The following PDZD9 variants were observed in gnomAD, a reference collection of about 807,000 sequenced individuals.
PDZD9 encodes PDZ domain-containing protein 9.
In PDZD9, 13 loss-of-function variants were observed where a neutral mutation model predicts 16.3. The ratio of observed to expected loss-of-function variants is 0.80; its 90% CI spans 0.52 to 1.27. The LOEUF (loss-of-function observed/expected upper bound fraction) is 1.27. PDZD9 is among the 50% of genes most tolerant of loss of function. The probability of loss-of-function intolerance (pLI) is 0.00; values close to 1 mark genes in which losing one functional copy is unlikely to be tolerated. For missense variants in PDZD9, 288 were observed against 310.9 expected, an observed-to-expected ratio of 0.93 and a Z score of 0.55; for synonymous variants, 120 against 111.0, an observed-to-expected ratio of 1.08 and a Z score of -0.51.
chr16:21,957,839 C>A, the PDZD9 span, among the ~76,000 whole-genome samples: 1 of 152,190 alleles, frequency 6.6e-6, no homozygotes, highest in East Asian at 1.9e-4. Flanking sequence ...CCTGCCTGTT[C>A]CTAGCTTCCA....
chr16:21,992,500 A>C (rs1567488084), intron 2 of PDZD9, among the ~76,000 whole-genome samples: 1 of 152,212 alleles, frequency 6.6e-6, no homozygotes. Flanking sequence ...CCAACCCTCA[A>C]TCTGGGTAGG....
chr16:21,962,630 C>G, the PDZD9 span: 3 of 1,588,568 alleles, frequency 1.9e-6, no homozygotes, highest in Admixed American at 5.1e-5. Flanking sequence ...GATTATTGTT[C>G]ATAAACTGCT....
chr16:21,960,216 G>A, the PDZD9 span, among the ~76,000 whole-genome samples: 1 of 152,158 alleles, frequency 6.6e-6, no homozygotes, highest in Non-Finnish European at 1.5e-5. Flanking sequence ...CACCTTCATC[G>A]ATGATCTTAT....
chr16:21,962,488 T>G, the PDZD9 span: 1 of 1,614,186 alleles, frequency 6.2e-7, no homozygotes, highest in Non-Finnish European at 8.5e-7. Flanking sequence ...AAACATGGCT[T>G]ATACTGTGGA....
At chr16:21,979,360 A>G (rs1597969097), downstream of PDZD9, among the ~76,000 whole-genome samples, 1 of 152,222 alleles carries the variant, frequency 6.6e-6, no homozygotes, top group Non-Finnish European at 1.5e-5. Context: ...CATGGGTCAC[A>G]TAACGATGGG....
At chr16:21,993,517 C>A (rs1899073320) in intron 2 of PDZD9, among the ~76,000 whole-genome samples, 1 of 152,152 alleles carries the variant, frequency 6.6e-6, no homozygotes, top group South Asian at 2.1e-4. Flanking sequence ...TTCATAAAAC[C>A]ATTATGTATC....
intron 3 of PDZD9, among the ~76,000 whole-genome samples, chr16:21,986,582 C>CA (rs930817187): frequency 2.0e-5 from 3 of 151,882 alleles, no homozygotes. Context: ...GACCCTGTCT[C>CA]AAAAATAAGA....
chr16:21,983,103 G>C (rs111739516), downstream of PDZD9: 1 of 1,613,634 alleles, frequency 6.2e-7, no homozygotes, highest in Non-Finnish European at 8.5e-7. Flanking sequence ...AAAGAAGTTT[G>C]TTTCTGGCCA....
At chr16:21,960,069 T>G in the PDZD9 span, among the ~76,000 whole-genome samples, 59 of 152,310 alleles carry the variant, frequency 3.9e-4, no homozygotes, top group African/African-American at 1.3e-3. Flanking sequence ...CCAGCTGCAT[T>G]AGTCCCCAAC....
chr16:21,975,118 A>G, the PDZD9 span, among the ~76,000 whole-genome samples: 8 of 152,160 alleles, frequency 5.3e-5, no homozygotes, highest in Non-Finnish European at 1.2e-4. Flanking sequence ...GGAGGTAGGT[A>G]TTAGGGTTAA....
chr16:21,975,032 A>G, the PDZD9 span, among the ~76,000 whole-genome samples: 377 of 152,332 alleles, frequency 2.5e-3, no homozygotes, highest in African/African-American at 8.7e-3. Flanking sequence ...AGCGACCACA[A>G]ATTCATAGTA....
At chr16:21,957,986 T>C in the PDZD9 span, among the ~76,000 whole-genome samples, 1 of 152,232 alleles carries the variant, frequency 6.6e-6, no homozygotes, top group Non-Finnish European at 1.5e-5. Context: ...TTAGATTTAG[T>C]GCCCACTATA....
At chr16:21,991,262 G>A (rs1899015321) in intron 2 of PDZD9, among the ~76,000 whole-genome samples, 1 of 151,618 alleles carries the variant, frequency 6.6e-6, no homozygotes, top group African/African-American at 2.4e-5. Context: ...CTGAGACAGG[G>A]TCTCACTTTG....
chr16:21,975,521 A>G, the PDZD9 span, among the ~76,000 whole-genome samples: 4 of 152,176 alleles, frequency 2.6e-5, no homozygotes, highest in Non-Finnish European at 5.9e-5. Flanking sequence ...GGGATGGAGA[A>G]AATCATGGTC....
downstream of PDZD9, among the ~76,000 whole-genome samples, chr16:21,980,994 A>G (rs1898711456): frequency 6.6e-6 from 1 of 152,164 alleles, no homozygotes; most frequent in African/African-American, 2.4e-5. Context: ...AATACACCTA[A>G]CGTATCAAAC....
At chr16:21,988,444 AG>A (rs763852590) in intron 3 of PDZD9, among the ~76,000 whole-genome samples, 157 bp downstream of exon 3, 1 of 152,146 alleles carries the variant, frequency 6.6e-6, no homozygotes, top group African/African-American at 2.4e-5. Flanking sequence ...TAGATCCTAC[AG>A]ATCTAATACC....
Position 22,001,112 on chromosome 16 carries a change from C to A in PDZD9, c.-65G>T. On this transcript the variant is annotated 5_prime_UTR_variant, in exon 1 of 4. Coordinates refer to ENST00000424898, the MANE Select transcript of PDZD9 (RefSeq NM_001363519.1). ...GCAGAGGCTGGAGTCAGTCCCAATG[C>A]CAACAGTTTCGAACCTTGCCCGCGG... is the stretch of plus-strand genomic sequence containing the variant. 2 of 1,397,414 alleles carry A rather than the reference C, an allele frequency of 1.4e-6. No individual in the cohort carries two copies. Among genetic ancestry groups the A allele is most frequent in the Admixed American group, 2.8e-5 (1 of 35,436 alleles). The allele number at this position is 1,397,414 out of a possible 1,614,324, so 86.6% of individuals were successfully genotyped here. A position where few individuals can be genotyped will look rare whatever the true frequency, so the allele number is the denominator to read the frequency against.
At chr16:21,994,442 C>T (rs1257658538) in intron 2 of PDZD9, among the ~76,000 whole-genome samples, 1 of 152,230 alleles carries the variant, frequency 6.6e-6, no homozygotes, top group East Asian at 1.9e-4. Flanking sequence ...CCAGGCCAGG[C>T]ACTGAGAAAA....
chr16:21,983,133 G>A (rs1183170658), downstream of PDZD9: 1 of 1,613,984 alleles, frequency 6.2e-7, no homozygotes, highest in Non-Finnish European at 8.5e-7. Context: ...GGCAGCAAGT[G>A]GAAATTTGGG....
Sources: gnomAD v4.1 joint callset for allele counts (sites outside exome capture counted in the v4.1 genomes callset) on GRCh38, gnomAD v4.1.1 for gene constraint, MANE v1.5 for transcripts, NCBI Gene and HGNC (gene_info 2026-07-23, HGNC 2026-07-21) for gene names.